Variants in MSH4 observed in about 807,000 individuals in gnomAD.
The protein encoded by MSH4 is mutS homolog 4, also known as mutS protein homolog 4.
Under a neutral mutation model 113.7 loss-of-function variants are expected in MSH4, and 106 were observed. That is an observed-to-expected ratio of 0.93 (90% CI 0.80 to 1.10). MSH4 has a LOEUF of 1.10. MSH4 is among the 50% of genes least tolerant of loss of function. The probability of loss-of-function intolerance (pLI) is 0.00; values close to 1 mark genes in which losing one functional copy is unlikely to be tolerated. For missense variants in MSH4, 1,061 were observed against 1,093.7 expected (o/e 0.97, Z 0.42); for synonymous variants, 368 against 380.2 (o/e 0.97, Z 0.37).
At position 75,803,755 on chromosome 1, in the gene MSH4, C is replaced by T. The variant is rs1649993795; in HGVS notation, c.269C>T (p.Ala90Val). The change falls in exon 2 of 20, where the codon GCT (alanine) becomes GTT (valine). Residue 90 changes from alanine to valine, a missense_variant. Physicochemically the swap from Ala to Val is moderately conservative, Grantham distance 64. Coordinates refer to ENST00000263187, the MANE Select transcript of MSH4 (RefSeq NM_002440.4). ...AQGSYFGNKR[A>V]YAENTVASNF... ...GGTTCATACTTTGGAAACAAAAGAG[C>T]TTATGCAGAAAACACAGTTGCATCA... The T allele has an allele frequency of 6.3e-7, 1 of 1,585,864 alleles. No homozygotes were observed.
At chr1:75,860,679 C>G (rs1651436245) in intron 8 of MSH4, among the ~76,000 whole-genome samples, 1 of 152,326 alleles carries the variant, frequency 6.6e-6, no homozygotes, top group South Asian at 2.1e-4. Flanking sequence ...TGACCTTTCT[C>G]TGGCTGCCCT....
intron 1 of MSH4, among the ~76,000 whole-genome samples, chr1:75,802,893 G>C (rs999020769): frequency 6.6e-6 from 1 of 152,140 alleles, no homozygotes; most frequent in Non-Finnish European, 1.5e-5. Flanking sequence ...GTCCTGTAGT[G>C]GTACAGGGCA....
chr1:75,806,856 G>T (rs551621790), intron 2 of MSH4, 125 bp from the exon 3 acceptor site: 1 of 762,390 alleles, frequency 1.3e-6, no homozygotes, highest in South Asian at 2.5e-5. Flanking sequence ...ATTGAAATAA[G>T]AGGCTAACTG....
chr1:75,829,980 C>G (rs1026789156), intron 7 of MSH4, among the ~76,000 whole-genome samples: 3 of 152,088 alleles, frequency 2.0e-5, no homozygotes, highest in Admixed American at 1.3e-4. Context: ...TCGGTAATAG[C>G]AGACTTCTCC....
intron 17 of MSH4, among the ~76,000 whole-genome samples, chr1:75,897,520 G>T (rs1652411066): frequency 6.6e-6 from 1 of 152,034 alleles, no homozygotes; most frequent in South Asian, 2.1e-4. Context: ...TTTAAAAATT[G>T]AGGAAAATAT....
intron 8 of MSH4, among the ~76,000 whole-genome samples, chr1:75,854,171 C>A (rs1193487871): frequency 6.6e-6 from 1 of 151,350 alleles, no homozygotes; most frequent in Non-Finnish European, 1.5e-5. Context: ...ATATTAGTAA[C>A]TCTCTTCTCT....
intron 9 of MSH4, among the ~76,000 whole-genome samples, chr1:75,869,088 G>A (rs181312053): frequency 6.6e-6 from 1 of 152,284 alleles, no homozygotes; most frequent in East Asian, 1.9e-4. Flanking sequence ...CTTGCTGAAT[G>A]GCTTTGACCA....
At chr1:75,862,177 G>A (rs1651471131) in intron 8 of MSH4, among the ~76,000 whole-genome samples, 1 of 152,086 alleles carries the variant, frequency 6.6e-6, no homozygotes, top group Admixed American at 6.5e-5. Context: ...TGCTCCTCCA[G>A]GTACAGTCAC....
intron 2 of MSH4, among the ~76,000 whole-genome samples, chr1:75,805,124 C>T (rs974316847): frequency 1.3e-5 from 2 of 148,436 alleles, no homozygotes; most frequent in South Asian, 4.2e-4. Flanking sequence ...CGCACCCAGC[C>T]CTGACCTGTT....
At chr1:75,879,904 CA>C in intron 12 of MSH4, 145 bp from the exon 13 acceptor site, 2 of 580,322 alleles carry the variant, frequency 3.4e-6, no homozygotes, top group Non-Finnish European at 6.1e-6. Flanking sequence ...TTACATTTCA[CA>C]AATATTATTT....
intron 7 of MSH4, among the ~76,000 whole-genome samples, chr1:75,833,122 G>C (rs2100532099): frequency 6.6e-6 from 1 of 152,248 alleles, no homozygotes; most frequent in African/African-American, 2.4e-5. Context: ...AAAATCACAA[G>C]CACTCCTAAA....
At chr1:75,883,208 T>A (rs1314258783) in intron 14 of MSH4, among the ~76,000 whole-genome samples, 1 of 146,754 alleles carries the variant, frequency 6.8e-6, no homozygotes, top group Non-Finnish European at 1.5e-5. Flanking sequence ...GGTTTGACCA[T>A]GTTGCCTAGG....
Position 75,803,727 on chromosome 1 carries a change from T to G in MSH4, c.245-4T>G. 6.5e-7 allele frequency: 1 copy of G among 1,541,558 alleles called. No homozygotes were observed. Among genetic ancestry groups the G allele is most frequent in the Non-Finnish European group, 8.7e-7 (1 of 1,148,182 alleles). The stretch of plus-strand genomic sequence containing the variant: ...AGAATTGACTGTTAATTTTTCAAAT[T>G]TAGGTTCATACTTTGGAAACAAAAG... On this transcript the variant is annotated splice_polypyrimidine_tract_variant and splice_region_variant and intron_variant, in intron 1 of 19. Transcript: ENST00000263187.
At chr1:75,812,460 G>A (rs5745363) in intron 4 of MSH4, among the ~76,000 whole-genome samples, 31,575 of 152,068 alleles carry the variant, frequency 0.21, 3,587 homozygotes, top group Middle Eastern at 0.3. Flanking sequence ...TTCAGAGGCC[G>A]AGGAGGGTGG....
chr1:75,875,025 T>C (rs1263990377), intron 9 of MSH4, among the ~76,000 whole-genome samples: 1 of 152,162 alleles, frequency 6.6e-6, no homozygotes, highest in Admixed American at 6.5e-5. Context: ...CCTGAGTAGC[T>C]GGGACCACAG....
chr1:75,819,671 T>C (rs1392291348), intron 6 of MSH4, among the ~76,000 whole-genome samples: 3 of 152,204 alleles, frequency 2.0e-5, no homozygotes, highest in Admixed American at 6.5e-5. Context: ...TTATATGAAG[T>C]TGTCTAATAA....
intron 8 of MSH4, among the ~76,000 whole-genome samples, chr1:75,849,019 T>A (rs1348980998): frequency 6.6e-6 from 1 of 151,996 alleles, no homozygotes; most frequent in Non-Finnish European, 1.5e-5. Flanking sequence ...GCAACCTCTG[T>A]CTCTCAGGTT....
At chr1:75,824,701 T>G (rs1650506020) in intron 7 of MSH4, among the ~76,000 whole-genome samples, 1 of 152,222 alleles carries the variant, frequency 6.6e-6, no homozygotes, top group South Asian at 2.1e-4. Flanking sequence ...TCTAGCCAGT[T>G]TTCCTAGCAC....
At chr1:75,813,701 C>G (rs969221486) in intron 4 of MSH4, among the ~76,000 whole-genome samples, 1 of 145,468 alleles carries the variant, frequency 6.9e-6, no homozygotes, top group African/African-American at 2.5e-5. Flanking sequence ...ACTATTATGA[C>G]TACACTTACC....
Sources: allele counts gnomAD v4.1 joint callset (sites outside exome capture counted in the v4.1 genomes callset), GRCh38; gene constraint gnomAD v4.1.1; transcripts MANE v1.5; gene names NCBI Gene and HGNC (gene_info 2026-07-23, HGNC 2026-07-21).